Variants in KIF13A observed in about 807,000 individuals in gnomAD.
The protein encoded by KIF13A is kinesin family member 13A.
Under a neutral mutation model 212.2 loss-of-function variants are expected in KIF13A, and 79 were observed. The observed-to-expected ratio is 0.37, with a 90% CI of 0.31 to 0.45. The LOEUF is 0.45. Among genes scored for constraint, KIF13A ranks in the 20% least tolerant of loss-of-function variants. The pLI is 1.00. For synonymous variants in KIF13A, 789 were observed against 808.6 expected (o/e 0.98, Z 0.41); for missense variants, 1,901 against 2,209.0 (o/e 0.86, Z 2.79).
At chr6:17,959,659 A>C (rs2150584388) in intron 2 of KIF13A, among the ~76,000 whole-genome samples, 1 of 152,342 alleles carries the variant, frequency 6.6e-6, no homozygotes, top group South Asian at 2.1e-4. Flanking sequence ...TATTTCCTAA[A>C]CCTCCACATT....
intron 34 of KIF13A, among the ~76,000 whole-genome samples, 198 bp from the exon 35 acceptor site, chr6:17,775,260 G>A (rs1368423996): frequency 1.3e-5 from 2 of 152,032 alleles, no homozygotes; most frequent in Admixed American, 1.3e-4. Flanking sequence ...AATTGTATGT[G>A]TATATACTCA....
chr6:17,798,207 AAG>A (rs1445152348), intron 22 of KIF13A, among the ~76,000 whole-genome samples: 1 of 140,014 alleles, frequency 7.1e-6, no homozygotes, highest in African/African-American at 3.1e-5. Context: ...AAAAAACTCC[AAG>A]ATGAAAAAAC....
chr6:17,965,409 T>C (rs142634292), intron 2 of KIF13A, among the ~76,000 whole-genome samples: 55 of 152,346 alleles, frequency 3.6e-4, no homozygotes, highest in Middle Eastern at 3.4e-3. Flanking sequence ...TTTTGTTGTA[T>C]ATGATTCAAA....
intron 2 of KIF13A, among the ~76,000 whole-genome samples, chr6:17,975,148 A>C (rs959435396): frequency 2.0e-5 from 3 of 152,188 alleles, no homozygotes; most frequent in Non-Finnish European, 4.4e-5. Flanking sequence ...GTTTAAGGCC[A>C]GCCTGGCCAA....
intron 3 of KIF13A, among the ~76,000 whole-genome samples, chr6:17,878,718 G>A (rs928785108): frequency 1.3e-5 from 2 of 152,148 alleles, no homozygotes; most frequent in South Asian, 4.1e-4. Context: ...TTATTCCAAA[G>A]TCTGTGAAAA....
At chr6:17,790,995 A>G (rs1333187471) in intron 25 of KIF13A, among the ~76,000 whole-genome samples, 2 of 152,224 alleles carry the variant, frequency 1.3e-5, no homozygotes, top group Admixed American at 1.3e-4. Context: ...TCTTGGTAGA[A>G]AAAAATTTTC....
Position 17,789,960 on chromosome 6 carries a change from A to T in KIF13A, c.3223-50T>A, listed in dbSNP as rs2147211. On this transcript the variant is annotated intron_variant, in intron 25 of 38. Transcript: ENST00000259711. This position sits in a 1 kb window ranked among gnomAD's most constrained non-coding sequence, Gnocchi z 4.8. The stretch of plus-strand genomic sequence containing the variant: ...GGACAAGCATTTTGTTTTTCAAACC[A>T]CATACAGGGAAAATAATTATTTAAG... The T allele has an allele frequency of 6.2e-6, 9 of 1,448,190 alleles. No individual in the cohort carries two copies. The African/African-American group carries it at 6.9e-5, about 11-fold the overall frequency. The allele number at this position is 1,448,190 out of a possible 1,614,324, so 89.7% of individuals were successfully genotyped here. A position where few individuals can be genotyped will look rare whatever the true frequency, so the allele number is the denominator to read the frequency against.
intron 2 of KIF13A, among the ~76,000 whole-genome samples, chr6:17,944,491 T>C (rs1777216413): frequency 6.6e-6 from 1 of 152,046 alleles, no homozygotes; most frequent in Admixed American, 6.5e-5. Flanking sequence ...TATCAAGACC[T>C]CCAGAAAAAG....
At chr6:17,784,841 G>C (rs1035167205) in intron 28 of KIF13A, among the ~76,000 whole-genome samples, 3 of 152,298 alleles carry the variant, frequency 2.0e-5, no homozygotes, top group African/African-American at 7.2e-5. Context: ...TGCAGATTCA[G>C]AGTCTCTAGT....
At position 17,796,835 on chromosome 6, in the gene KIF13A, G is replaced by T; in HGVS notation, c.2791-15C>A. ...ACCACATAGTCCTGGGATAAGTGGG[G>T]GAAAGCAAAAGAATTATGCTTAAAG... On this transcript the variant is annotated splice_polypyrimidine_tract_variant and intron_variant, in intron 22 of 38. Coordinates refer to ENST00000259711, the MANE Select transcript of KIF13A (RefSeq NM_022113.6). 1 of 1,463,346 alleles carries T rather than the reference G, an allele frequency of 6.8e-7. No homozygotes were observed. 90.6% of individuals were successfully genotyped at this position (1,463,346 alleles called of 1,614,324 possible).
intron 3 of KIF13A, among the ~76,000 whole-genome samples, chr6:17,893,012 C>T (rs1772207260): frequency 6.6e-6 from 1 of 152,174 alleles, no homozygotes; most frequent in Non-Finnish European, 1.5e-5. Context: ...CGAATGGCAT[C>T]TAAAGTGGAG....
chr6:17,780,377 G>C lies in KIF13A; in HGVS notation c.3846+353C>G, dbSNP rs114976086. Among the ~76,000 whole-genome samples the C allele has an allele frequency of 4.1e-3, 620 of 152,338 alleles. 7 individuals are homozygous for C. The highest frequency in any genetic ancestry group is 0.014 in the African/African-American group (572 of 41,578). On this transcript the variant is annotated intron_variant, in intron 31 of 38. Transcript: ENST00000259711. ...GGATCCGTCAAAGCAGTAGGATAGGGATTTGTTTGGAGTCTGCCTTTTGTC... is the reference window on the plus strand; with the variant it reads ...GGATCCGTCAAAGCAGTAGGATAGGCATTTGTTTGGAGTCTGCCTTTTGTC...
chr6:17,973,875 G>A (rs1459634608), intron 2 of KIF13A, among the ~76,000 whole-genome samples: 1 of 152,138 alleles, frequency 6.6e-6, no homozygotes, highest in African/African-American at 2.4e-5. Flanking sequence ...ACAGGGAACT[G>A]GAGCCCACAA....
chr6:17,934,787 C>CAA lies in KIF13A; in HGVS notation c.147-36609_147-36608dup, dbSNP rs11301845. On this transcript the variant is annotated intron_variant, in intron 2 of 38. Coordinates refer to ENST00000259711, the MANE Select transcript of KIF13A (RefSeq NM_022113.6). The surrounding 1 kb of genome is among the most constrained non-coding windows in gnomAD (Gnocchi z 5.4). ...GGGCAACCAAGCAATACCCTGTCTC[C>CAA]AAAAAAAAAAAAAAGACACTTAAAA... Among the ~76,000 whole-genome samples, 359 of 140,250 alleles carry CAA rather than the reference C, an allele frequency of 2.6e-3. 3 individuals carry two copies. The highest frequency in any genetic ancestry group is 8.8e-3 in the African/African-American group (326 of 37,076). The allele number at this position is 140,250 out of a possible 152,430, so 92.0% of individuals were successfully genotyped here.
rs1421247505 is a variant in KIF13A at position 17,826,855 on chromosome 6, AG to A, written c.1533-732del. The stretch of plus-strand genomic sequence containing the variant: ...GAATCTTCATCTTTTAGAGAGACAT[AG>A]TGAGATATTTATAGATACAATGTTA... On this transcript the variant is annotated intron_variant, in intron 14 of 38. Transcript: ENST00000259711. The surrounding 1 kb of genome is among the most constrained non-coding windows in gnomAD (Gnocchi z 4.7). Among the ~76,000 whole-genome samples, 3 of 152,138 alleles carry A rather than the reference AG, an allele frequency of 2.0e-5. No homozygotes were observed. In the East Asian group the frequency reaches 5.8e-4, roughly 29 times the overall value.
intron 38 of KIF13A, chr6:17,770,361 A>ATTTTTTGTTTTTT (rs1759381083): frequency 8.4e-6 from 1 of 119,446 alleles, no homozygotes; most frequent in African/African-American, 2.9e-5. Flanking sequence ...AATAAACAGG[A>ATTTTTTGTTTTTT]TTTTTTTTTT....
At chr6:17,985,564 C>T (rs1358000146) in intron 2 of KIF13A, among the ~76,000 whole-genome samples, 1 of 144,172 alleles carries the variant, frequency 6.9e-6, no homozygotes, top group African/African-American at 2.6e-5. Context: ...AGTATTCTAC[C>T]TGTTCCCCCA....
At chr6:17,973,023 CA>C (rs1779956682) in intron 2 of KIF13A, among the ~76,000 whole-genome samples, 1 of 152,136 alleles carries the variant, frequency 6.6e-6, no homozygotes, top group African/African-American at 2.4e-5. Flanking sequence ...AAACCAGAGA[CA>C]CAGACACACT....
intron 2 of KIF13A, among the ~76,000 whole-genome samples, chr6:17,973,445 G>A (rs992148567): frequency 5.9e-5 from 9 of 152,100 alleles, no homozygotes; most frequent in Admixed American, 3.9e-4. Flanking sequence ...CAGCTACTGC[G>A]TGCAAACCAA....
Sources: allele counts gnomAD v4.1 joint callset (sites outside exome capture counted in the v4.1 genomes callset), GRCh38; gene constraint gnomAD v4.1.1; non-coding constraint Gnocchi (gnomAD v3.1); transcripts MANE v1.5; gene names NCBI Gene and HGNC (gene_info 2026-07-23, HGNC 2026-07-21).